Variants in PCDHA4 observed in about 807,000 individuals in gnomAD.
PCDHA4 encodes protocadherin alpha-4.
Under a neutral mutation model 61.4 loss-of-function variants are expected in PCDHA4, and 49 were observed. That is an observed-to-expected ratio of 0.80 (90% confidence interval 0.63 to 1.01). PCDHA4 has a LOEUF of 1.01. PCDHA4 is among the 50% of genes least tolerant of loss of function. The pLI is 0.00. For missense variants in PCDHA4, 1,254 were observed against 1,235.8 expected, an observed-to-expected ratio of 1.01 and a Z score of -0.22; for synonymous variants, 590 against 550.3, an observed-to-expected ratio of 1.07 and a Z score of -1.01.
intron 1 of PCDHA4, among the ~76,000 whole-genome samples, chr5:140,901,870 TTTC>T (rs2068953949): frequency 6.6e-6 from 1 of 152,202 alleles, no homozygotes. Flanking sequence ...TCCTCTTCAA[TTTC>T]TTTCATCAGC....
intron 1 of PCDHA4, chr5:140,858,018 C>G (rs1562532510): frequency 6.3e-7 from 1 of 1,596,908 alleles, no homozygotes; most frequent in Non-Finnish European, 8.6e-7. Flanking sequence ...GGCGAGCCGT[C>G]GCTGACGGCC....
chr5:140,830,065 G>T (rs1274600661), intron 1 of PCDHA4: 1 of 1,613,614 alleles, frequency 6.2e-7, no homozygotes, highest in African/African-American at 1.3e-5. Context: ...GTGAGCCGGC[G>T]CTGACAGCGA....
chr5:140,843,528 A>G (rs2150362110), intron 1 of PCDHA4: 1 of 1,596,000 alleles, frequency 6.3e-7, no homozygotes, highest in Non-Finnish European at 8.6e-7. Context: ...CGGGCGGGCA[A>G]GCCCACTCTG....
rs140457638 is a variant in PCDHA4, at chr5:140,883,730, G to T, written c.2385+74158G>T. On this transcript the variant is annotated intron_variant, in intron 1 of 3. Coordinates refer to ENST00000530339, the MANE Select transcript of PCDHA4 (RefSeq NM_018907.4). ...TCAGGACGCGGACGCACAGGAGAAC[G>T]CGCTGGTCTCCTACTCGCTGGTGGA... 4.3e-6 allele frequency: 7 copies of T among 1,613,530 alleles called. No homozygotes were observed. The East Asian group carries it at 1.6e-4, about 36-fold the overall frequency.
At chr5:140,845,692 G>A (rs1440776749) in intron 1 of PCDHA4, among the ~76,000 whole-genome samples, 1 of 149,364 alleles carries the variant, frequency 6.7e-6, no homozygotes, top group Non-Finnish European at 1.5e-5. Flanking sequence ...TTGTTATTCA[G>A]TTCCTTGGCA....
rs567366418 is a variant in PCDHA4 at position 140,912,439 on chromosome 5, G to T, written c.2386-66510G>T. 2.6e-5 allele frequency among the ~76,000 whole-genome samples: 4 copies of T among 151,104 alleles called. No individual in the cohort carries two copies. The East Asian group carries it at 7.8e-4, about 29-fold the overall frequency. On this transcript the variant is annotated intron_variant, in intron 1 of 3. Transcript: ENST00000530339. ...TGGTGTATAGCAGTGTTGCTGATTT[G>T]TGTGCATTGATTTTGTATCCTGGAA...
At chr5:140,877,388 A>G (rs1186041410) in intron 1 of PCDHA4, 14 of 1,613,802 alleles carry the variant, frequency 8.7e-6, no homozygotes, top group Non-Finnish European at 1.2e-5. Flanking sequence ...ATCCTGGATG[A>G]GGCGGACGCT....
At chr5:140,836,909 CTT>C (rs1774804264) in intron 1 of PCDHA4, 2 of 579,626 alleles carry the variant, frequency 3.5e-6, no homozygotes, top group Admixed American at 3.6e-5. Flanking sequence ...TTAATATACA[CTT>C]TTGTTTTGGG....
chr5:140,868,731 G>A (rs1002022928), intron 1 of PCDHA4: 2 of 192,996 alleles, frequency 1.0e-5, no homozygotes, highest in South Asian at 1.2e-4. Context: ...GATGTTAATC[G>A]AGAAATACAA....
intron 1 of PCDHA4, among the ~76,000 whole-genome samples, chr5:140,874,013 A>C (rs2054638776): frequency 6.6e-6 from 1 of 152,248 alleles, no homozygotes; most frequent in Non-Finnish European, 1.5e-5. Flanking sequence ...ACCACTTTTG[A>C]AAATGAAAAA....
rs1031755500 is a variant in PCDHA4 at position 140,856,096 on chromosome 5, G to A, written c.2385+46524G>A. 31 of 1,597,342 alleles carry A rather than the reference G, an allele frequency of 1.9e-5. 3 individuals are homozygous for A. The Admixed American group carries it at 5.2e-4, about 27-fold the overall frequency. On this transcript the variant is annotated intron_variant, in intron 1 of 3. Transcript: ENST00000530339. ...TGGGGGTCCAGTGTCTGCTGCTCTCGCTTCTTCTCCTCGCAGCCTGGGAGG... is the reference window on the plus strand; with the variant it reads ...TGGGGGTCCAGTGTCTGCTGCTCTCACTTCTTCTCCTCGCAGCCTGGGAGG...
At chr5:140,976,250 A>C (rs1420287471) in intron 1 of PCDHA4, among the ~76,000 whole-genome samples, 1 of 152,144 alleles carries the variant, frequency 6.6e-6, no homozygotes, top group Non-Finnish European at 1.5e-5. Flanking sequence ...ATGTAAATTT[A>C]TTTAAAACAC....
intron 1 of PCDHA4, chr5:140,857,871 A>G (rs2044971374): frequency 6.3e-7 from 1 of 1,597,628 alleles, no homozygotes. Flanking sequence ...TGGCTGTCGT[A>G]TGAATTGCAG....
At chr5:140,927,674 A>C (rs201769803) in intron 1 of PCDHA4, 1 of 1,614,182 alleles carries the variant, frequency 6.2e-7, no homozygotes, top group Admixed American at 1.7e-5. Flanking sequence ...TTGGATCCAG[A>C]TGAAGGGTCC....
chr5:140,929,174 G>C, intron 1 of PCDHA4: 1 of 1,614,140 alleles, frequency 6.2e-7, no homozygotes, highest in South Asian at 1.1e-5. Flanking sequence ...GCCTCTCTGG[G>C]ACTTGGTTCT....
intron 3 of PCDHA4, among the ~76,000 whole-genome samples, chr5:141,001,745 T>A (rs2098035193): frequency 6.6e-6 from 1 of 152,200 alleles, no homozygotes; most frequent in Non-Finnish European, 1.5e-5. Flanking sequence ...CTGGGCTGTT[T>A]CAGTGGTTGA....
intron 1 of PCDHA4, chr5:140,861,648 T>C (rs1380826146): frequency 1.0e-5 from 3 of 287,022 alleles, no homozygotes; most frequent in African/African-American, 6.6e-5. Context: ...AAAGAATCTG[T>C]TTCTGAAACG....
chr5:140,841,857 T>C, intron 1 of PCDHA4: 3 of 1,613,860 alleles, frequency 1.9e-6, no homozygotes, highest in South Asian at 1.1e-5. Context: ...GATTACTTCA[T>C]GCTAGATGTG....
At chr5:140,848,624 C>T in intron 1 of PCDHA4, 2 of 1,593,432 alleles carry the variant, frequency 1.3e-6, no homozygotes, top group South Asian at 2.2e-5. Context: ...AACACGGCAC[C>T]TTCGTGGGCC....
Sources: gnomAD v4.1 joint callset for allele counts (sites outside exome capture counted in the v4.1 genomes callset) on GRCh38, gnomAD v4.1.1 for gene constraint, MANE v1.5 for transcripts, NCBI Gene and HGNC (gene_info 2026-07-23, HGNC 2026-07-21) for gene names.